Variants in GALR1 observed in about 807,000 individuals in gnomAD.
GALR1 encodes the protein galanin receptor type 1.
In GALR1, 11 loss-of-function variants were observed where a neutral mutation model predicts 17.9. The observed-to-expected ratio is 0.62, with a 90% CI of 0.39 to 1.02. The LOEUF (loss-of-function observed/expected upper bound fraction) is 1.02, where lower values mean the gene tolerates loss of function less well. GALR1 is among the 50% of genes least tolerant of loss of function. The probability of loss-of-function intolerance (pLI) is 0.01; values close to 1 mark genes in which losing one functional copy is unlikely to be tolerated. For missense variants in GALR1, 441 were observed against 456.9 expected (o/e 0.97, Z 0.32); for synonymous variants, 206 against 205.7 (o/e 1.00, Z -0.01).
intron 1 of GALR1, among the ~76,000 whole-genome samples, chr18:77,252,437 T>C (rs951758195): frequency 6.6e-6 from 1 of 152,216 alleles, no homozygotes; most frequent in Non-Finnish European, 1.5e-5. Context: ...CTTTTAATAC[T>C]CAAGTCACAA....
chr18:77,257,578 G>T (rs1264728474), intron 2 of GALR1, among the ~76,000 whole-genome samples: 1 of 152,052 alleles, frequency 6.6e-6, no homozygotes, highest in South Asian at 2.1e-4. Flanking sequence ...CCATTTTTCT[G>T]GTATATCTAT....
chr18:77,251,280 C>A, intron 1 of GALR1, 66 bp downstream of exon 1: 1 of 1,530,980 alleles, frequency 6.5e-7, no homozygotes, highest in South Asian at 1.3e-5. Context: ...GCCCTGGGGT[C>A]TCAGTGTCCC....
At position 77,250,017 on chromosome 18, in the gene GALR1, T is replaced by C. The variant is rs1388041760; in HGVS notation, c.-532T>C. On this transcript the variant is annotated 5_prime_UTR_variant, in exon 1 of 3. An upstream start codon of the reference 5' UTR is lost. Transcript: ENST00000299727. ...GGGAGGTGGCGCTGGGCGCGCGGGATGCGCGGGGAGCCTTCTCTGCAGGAG... is the reference window on the plus strand; with the variant it reads ...GGGAGGTGGCGCTGGGCGCGCGGGACGCGCGGGGAGCCTTCTCTGCAGGAG... Among the ~76,000 whole-genome samples the C allele has an allele frequency of 1.3e-5, 2 of 152,076 alleles. No homozygotes were observed. Among genetic ancestry groups the C allele is most frequent in the Non-Finnish European group, 2.9e-5 (2 of 67,982 alleles).
Position 77,268,896 on chromosome 18 carries a change from T to C in GALR1, c.1044T>C (p.His348=), listed in dbSNP as rs779826907. ...IDTPPSTNCT[H]V ...CCCCACCATCAACCAATTGTACTCA[T>C]GTGTGATAAAAGATAGAGTATCCTT... Residue 348 remains histidine (H), a synonymous_variant, in exon 3 of 3, where the codon CAT becomes CAC. Coordinates refer to ENST00000299727, the MANE Select transcript of GALR1 (RefSeq NM_001480.4). The C allele has an allele frequency of 4.4e-6, 7 of 1,606,810 alleles. No individual in the cohort carries two copies. Among genetic ancestry groups the C allele is most frequent in the Non-Finnish European group, 6.0e-6 (7 of 1,174,046 alleles).
chr18:77,272,578 G>C lies in GALR1; in HGVS notation c.*3676G>C, dbSNP rs1388621491. The C allele has an allele frequency of 6.6e-6, 1 of 152,220 alleles. No individual in the cohort carries two copies. Among genetic ancestry groups the C allele is most frequent in the Non-Finnish European group, 1.5e-5 (1 of 68,038 alleles). 9.4% of individuals were successfully genotyped at this position (152,220 alleles called of 1,614,324 possible). Reference sequence around the variant, plus strand: ...TGGCTACTTCCTCTGGAAAGTTACTGTCTAAAATTTGTAAATTTTAATCTT... The same window carrying C: ...TGGCTACTTCCTCTGGAAAGTTACTCTCTAAAATTTGTAAATTTTAATCTT... On this transcript the variant is annotated 3_prime_UTR_variant, in exon 3 of 3. Transcript: ENST00000299727.
rs1335798029 is a variant in GALR1 at position 77,269,858 on chromosome 18, A to G, written c.*956A>G. ...CACATGAAGTAATGGTCATGCCTGT[A>G]CATAAAGCATATTTCATGTTTGATT... On this transcript the variant is annotated 3_prime_UTR_variant, in exon 3 of 3. Coordinates refer to ENST00000299727, the MANE Select transcript of GALR1 (RefSeq NM_001480.4). 4.6e-5 allele frequency: 7 copies of G among 152,244 alleles called. No homozygotes were observed. The highest frequency in any genetic ancestry group is 1.7e-4 in the African/African-American group (7 of 41,472). 9.4% of individuals were successfully genotyped at this position (152,244 alleles called of 1,614,324 possible).
chr18:77,271,957 G>T lies in GALR1; in HGVS notation c.*3055G>T, dbSNP rs1380668075. Reference sequence around the variant, plus strand: ...AGATTCTCTGTGCTCTTCTGACCGGGTATGTACTCAGCAACATGGGGGACT... The same window carrying T: ...AGATTCTCTGTGCTCTTCTGACCGGTTATGTACTCAGCAACATGGGGGACT... On this transcript the variant is annotated 3_prime_UTR_variant, in exon 3 of 3. Transcript: ENST00000299727. 2.6e-5 allele frequency: 4 copies of T among 152,080 alleles called. No homozygotes were observed. Among genetic ancestry groups the T allele is most frequent in the African/African-American group, 9.7e-5 (4 of 41,422 alleles). 9.4% of individuals were successfully genotyped at this position (152,080 alleles called of 1,614,324 possible). A position where few individuals can be genotyped will look rare whatever the true frequency, so the allele number is the denominator to read the frequency against.
chr18:77,260,583 G>T (rs965337781), intron 2 of GALR1, among the ~76,000 whole-genome samples: 4 of 152,172 alleles, frequency 2.6e-5, no homozygotes, highest in African/African-American at 7.2e-5. Flanking sequence ...ACTTTGAGAT[G>T]GTGCCGCCGT....
At chr18:77,258,797 A>ATGGTGG (rs1229476616) in intron 2 of GALR1, among the ~76,000 whole-genome samples, 2 of 78,046 alleles carry the variant, frequency 2.6e-5, no homozygotes, top group Admixed American at 1.3e-4. Context: ...GGTGGTGGTG[A>ATGGTGG]TGGTGGTGGT....
At position 77,270,435 on chromosome 18, in the gene GALR1, G is replaced by A. The variant is rs1436609999; in HGVS notation, c.*1533G>A. 1 of 152,162 alleles carries A rather than the reference G, an allele frequency of 6.6e-6. No individual in the cohort carries two copies. Among genetic ancestry groups the A allele is most frequent in the African/African-American group, 2.4e-5 (1 of 41,428 alleles). The allele number at this position is 152,162 out of a possible 1,614,324, so 9.4% of individuals were successfully genotyped here. A position where few individuals can be genotyped will look rare whatever the true frequency, so the allele number is the denominator to read the frequency against. On this transcript the variant is annotated 3_prime_UTR_variant, in exon 3 of 3. Transcript: ENST00000299727. ...GAGGCTGATGTGGGGGATCACCTGA[G>A]CCCGGGAGGTCCAGGATGCAGTCAG...
intron 2 of GALR1, among the ~76,000 whole-genome samples, chr18:77,259,509 G>T (rs1280304496): frequency 3.4e-5 from 5 of 149,158 alleles, no homozygotes; most frequent in Non-Finnish European, 7.4e-5. Flanking sequence ...TGGTGATGGT[G>T]GTGGGTAGTG....
At position 77,276,036 on chromosome 18, in the gene GALR1, G is replaced by A. The variant is rs148352395; in HGVS notation, c.*7134G>A. 691 of 123,746 alleles carry A rather than the reference G, an allele frequency of 5.6e-3. 1 individual carries two copies. Among genetic ancestry groups the A allele is most frequent in the African/African-American group, 0.018 (668 of 37,786 alleles). 7.7% of individuals were successfully genotyped at this position (123,746 alleles called of 1,614,324 possible). On this transcript the variant is annotated 3_prime_UTR_variant, in exon 3 of 3. Transcript: ENST00000299727. ...AATCAAACTTAGTCATTCCATTGAA[G>A]TGAAATTGGATTATAATTTAGAAAT... is the stretch of plus-strand genomic sequence containing the variant.
chr18:77,262,507 A>T (rs1348351980), intron 2 of GALR1, among the ~76,000 whole-genome samples: 1 of 152,236 alleles, frequency 6.6e-6, no homozygotes, highest in East Asian at 1.9e-4. Flanking sequence ...AACCATGCAC[A>T]TGGGTGTATT....
intron 1 of GALR1, among the ~76,000 whole-genome samples, chr18:77,253,392 A>G (rs928464233): frequency 1.2e-4 from 18 of 152,318 alleles, no homozygotes; most frequent in African/African-American, 4.1e-4. Flanking sequence ...AGGACATTGA[A>G]GTCTGAGATT....
At chr18:77,251,782 C>T (rs1207594072) in intron 1 of GALR1, among the ~76,000 whole-genome samples, 1 of 152,218 alleles carries the variant, frequency 6.6e-6, no homozygotes, top group Non-Finnish European at 1.5e-5. Flanking sequence ...GCCCCTCTCC[C>T]CCGGGGTGCG....
rs1235321769 is a variant in GALR1 at position 77,270,086 on chromosome 18, T to C, written c.*1184T>C. The C allele has an allele frequency of 6.6e-6, 1 of 152,238 alleles. No homozygotes were observed. The highest frequency in any genetic ancestry group is 1.9e-4 in the East Asian group (1 of 5,202). 9.4% of individuals were successfully genotyped at this position (152,238 alleles called of 1,614,324 possible). A position where few individuals can be genotyped will look rare whatever the true frequency, so the allele number is the denominator to read the frequency against. The stretch of plus-strand genomic sequence containing the variant: ...AGTTTTCATGACAATTTTATATTGA[T>C]GTGTGTTTACAATGAGAAAATGGCA... On this transcript the variant is annotated 3_prime_UTR_variant, in exon 3 of 3. Coordinates refer to ENST00000299727, the MANE Select transcript of GALR1 (RefSeq NM_001480.4).
At chr18:77,255,681 C>T (rs1160370306) in intron 1 of GALR1, among the ~76,000 whole-genome samples, 1 of 152,238 alleles carries the variant, frequency 6.6e-6, no homozygotes, top group Non-Finnish European at 1.5e-5. Flanking sequence ...GTTTACTTGC[C>T]TGCTTTCCGC....
intron 2 of GALR1, among the ~76,000 whole-genome samples, 177 bp downstream of exon 2, chr18:77,256,400 A>C (rs1457672054): frequency 1.3e-5 from 2 of 152,084 alleles, no homozygotes; most frequent in Admixed American, 6.6e-5. Flanking sequence ...CGGCCTTGGC[A>C]AGGGCACCGT....
rs559520779 is a variant in GALR1 at position 77,268,510 on chromosome 18, A to G, written c.733-75A>G. 6.7e-5 allele frequency: 65 copies of G among 965,638 alleles called. No homozygotes were observed. The African/African-American group carries it at 7.7e-4, about 11-fold the overall frequency. The allele number at this position is 965,638 out of a possible 1,614,324, so 59.8% of individuals were successfully genotyped here. A position where few individuals can be genotyped will look rare whatever the true frequency, so the allele number is the denominator to read the frequency against. On this transcript the variant is annotated intron_variant, in intron 2 of 2. Coordinates refer to ENST00000299727, the MANE Select transcript of GALR1 (RefSeq NM_001480.4). ...CTGGATTCCTTTTGTGTTGTAATCA[A>G]TGAATTTCCTTCCTTCTTCTTCTCC...
Sources: gnomAD v4.1 joint callset for allele counts (sites outside exome capture counted in the v4.1 genomes callset) on GRCh38, gnomAD v4.1.1 for gene constraint, MANE v1.5 for transcripts, NCBI Gene and HGNC (gene_info 2026-07-23, HGNC 2026-07-21) for gene names.